The following PEAK1 variants were observed in gnomAD, a reference collection of about 807,000 sequenced individuals.
PEAK1 encodes the protein pseudopodium enriched atypical kinase 1.
In PEAK1, 54 loss-of-function variants were observed where a neutral mutation model predicts 124.7. That is an observed-to-expected ratio of 0.43 (90% confidence interval 0.35 to 0.54). PEAK1 has a LOEUF of 0.54. Among genes scored for constraint, PEAK1 ranks in the 20% least tolerant of loss-of-function variants. The probability of loss-of-function intolerance (pLI) is 0.01; values close to 1 mark genes in which losing one functional copy is unlikely to be tolerated. For synonymous variants in PEAK1, 719 were observed against 760.0 expected, an observed-to-expected ratio of 0.95 and a Z score of 0.89; for missense variants, 2,046 against 2,134.5, an observed-to-expected ratio of 0.96 and a Z score of 0.82.
chr15:77,356,063 A>C, intron 2 of PEAK1: 1 of 388,428 alleles, frequency 2.6e-6, no homozygotes, highest in Non-Finnish European at 3.5e-6. Context: ...CTGGCCCCAA[A>C]CGTGCATTAC....
chr15:77,264,600 A>G (rs1273014184), intron 5 of PEAK1, among the ~76,000 whole-genome samples: 3 of 152,180 alleles, frequency 2.0e-5, no homozygotes. Context: ...CAATGAAATA[A>G]AAGAGGATAC....
At chr15:77,205,405 G>C (rs957688934) in intron 6 of PEAK1, among the ~76,000 whole-genome samples, 1 of 152,060 alleles carries the variant, frequency 6.6e-6, no homozygotes, top group African/African-American at 2.4e-5. Flanking sequence ...TGAAGGGTTA[G>C]TTTTAGGATA....
At chr15:77,174,826 G>T (rs1328312734) in intron 7 of PEAK1, among the ~76,000 whole-genome samples, 1 of 152,114 alleles carries the variant, frequency 6.6e-6, no homozygotes, top group Non-Finnish European at 1.5e-5. Flanking sequence ...AAAGCTGGAG[G>T]CATCACGCTA....
intron 2 of PEAK1, among the ~76,000 whole-genome samples, chr15:77,300,274 G>A (rs2063719027): frequency 6.6e-6 from 1 of 152,166 alleles, no homozygotes; most frequent in South Asian, 2.1e-4. Flanking sequence ...TTTTCCCAAT[G>A]GTCTCATCTG....
chr15:77,150,007 C>T (rs1298783420), intron 8 of PEAK1, among the ~76,000 whole-genome samples: 2 of 152,110 alleles, frequency 1.3e-5, no homozygotes, highest in Non-Finnish European at 2.9e-5. Flanking sequence ...ACCTTGGCTT[C>T]CCAAAGTGCT....
intron 6 of PEAK1, among the ~76,000 whole-genome samples, chr15:77,224,864 AT>A (rs2059558070): frequency 6.6e-6 from 1 of 151,590 alleles, no homozygotes; most frequent in African/African-American, 2.4e-5. Flanking sequence ...CTCTGTGGTG[AT>A]TTTTGGTTTT....
chr15:77,225,259 G>A (rs950460855), intron 6 of PEAK1, among the ~76,000 whole-genome samples: 3 of 151,894 alleles, frequency 2.0e-5, no homozygotes, highest in Non-Finnish European at 4.4e-5. Context: ...CATTATTCCT[G>A]TTAAGAGTCT....
At chr15:77,343,136 T>C (rs2066646140) in intron 2 of PEAK1, among the ~76,000 whole-genome samples, 1 of 152,244 alleles carries the variant, frequency 6.6e-6, no homozygotes, top group African/African-American at 2.4e-5. Context: ...GTTTTCTGTT[T>C]TGTTTTCTTT....
At chr15:77,291,954 G>A (rs375827823) in intron 2 of PEAK1, among the ~76,000 whole-genome samples, 48 of 148,750 alleles carry the variant, frequency 3.2e-4, no homozygotes, top group African/African-American at 1.1e-3. Flanking sequence ...TTCAGCCTGG[G>A]CGACGGAGCA....
chr15:77,258,884 T>C (rs1355857876), intron 5 of PEAK1, among the ~76,000 whole-genome samples: 1 of 152,200 alleles, frequency 6.6e-6, no homozygotes, highest in Non-Finnish European at 1.5e-5. Context: ...GCTCTTATTA[T>C]TTTGAGATAC....
In PEAK1 at chr15:77,179,880, T is replaced by C; in HGVS notation, c.2047A>G (p.Thr683Ala). 3 of 1,614,142 alleles carry C rather than the reference T, an allele frequency of 1.9e-6. No individual in the cohort carries two copies. Among genetic ancestry groups the C allele is most frequent in the Non-Finnish European group, 1.7e-6 (2 of 1,180,002 alleles). ...AACCCTTTAGTTTGAAGACAGTCAG[T>C]GGTTTTGCTAGTGGTGTTATCAGGC... Reference protein sequence around the residue: ...KVPDNTTSKTTDCLQTKGFSN... With the variant: ...KVPDNTTSKTADCLQTKGFSN... The change falls in exon 7 of 10, where the codon ACT (threonine) becomes GCT (alanine). Residue 683 changes from threonine (T) to alanine (A), a missense_variant. Transcript: ENST00000682557.
intron 2 of PEAK1, among the ~76,000 whole-genome samples, chr15:77,316,878 G>C (rs1040576553): frequency 6.6e-6 from 1 of 152,052 alleles, no homozygotes; most frequent in Non-Finnish European, 1.5e-5. Context: ...GAGAGTTTGA[G>C]ACCTGCCTGG....
intron 2 of PEAK1, among the ~76,000 whole-genome samples, chr15:77,313,756 AT>A (rs1382515674): frequency 3.2e-5 from 4 of 125,818 alleles, no homozygotes; most frequent in African/African-American, 8.4e-5. Context: ...TTATTTATTT[AT>A]TTTTAGTAGA....
Position 77,114,668 on chromosome 15 carries a change from G to C in PEAK1, c.4729C>G (p.Leu1577Val). The change falls in exon 10 of 10, where the codon CTT becomes GTT. Residue 1577 changes from leucine to valine, a missense_variant. Leu to Val is a conservative substitution (Grantham distance 32). Transcript: ENST00000682557. Reference sequence around the variant, plus strand: ...GTAGCTGTTATGATCTCTGGGGCAAGGCGAGACTGGTCCCGGAGGATCTCG... The same window carrying C: ...GTAGCTGTTATGATCTCTGGGGCAACGCGAGACTGGTCCCGGAGGATCTCG... ...DPEILRDQSR[L>V]APEIITATQY... The C allele has an allele frequency of 6.2e-7, 1 of 1,613,838 alleles. No homozygotes were observed. The highest frequency in any genetic ancestry group is 8.5e-7 in the Non-Finnish European group (1 of 1,179,978).
In PEAK1 at chr15:77,336,436, T is replaced by C. The variant is rs571073569; in HGVS notation, c.-603+28727A>G. 26 of 985,424 alleles carry C rather than the reference T, an allele frequency of 2.6e-5. No homozygotes were observed. The African/African-American group carries it at 4.5e-4, about 17-fold the overall frequency. The allele number at this position is 985,424 out of a possible 1,614,324, so 61.0% of individuals were successfully genotyped here. On this transcript the variant is annotated intron_variant, in intron 2 of 9. Transcript: ENST00000682557. ...TCTGAGTGAGGGGTTAATGGTAACC[T>C]ACTTTGGTTTTATATTATTCACACA...
intron 2 of PEAK1, chr15:77,350,978 A>G (rs552919672): frequency 4.3e-5 from 42 of 974,600 alleles, no homozygotes; most frequent in East Asian, 1.1e-4. Context: ...ATACACATCT[A>G]TTAAGCACTA....
chr15:77,231,411 A>G (rs78134038), intron 6 of PEAK1, among the ~76,000 whole-genome samples: 1 of 152,280 alleles, frequency 6.6e-6, no homozygotes, highest in African/African-American at 2.4e-5. Flanking sequence ...GACAGGTGCA[A>G]ATTGAATTTA....
intron 2 of PEAK1, among the ~76,000 whole-genome samples, chr15:77,318,819 G>A (rs541043292): frequency 6.6e-6 from 1 of 151,924 alleles, no homozygotes; most frequent in Non-Finnish European, 1.5e-5. Context: ...GCTAATAGAT[G>A]ACACCCCTCC....
Position 77,133,228 on chromosome 15 carries a change from T to C in PEAK1, c.3854A>G (p.Glu1285Gly). ...AAGGCTTCGGATTTTACCCACTACTTCCTCCCGATTCTCAAGTCCTCGATA... is the reference window on the plus strand; with the variant it reads ...AAGGCTTCGGATTTTACCCACTACTCCCTCCCGATTCTCAAGTCCTCGATA... ...ALYRGLENRE[E>G]VVGKIRSLHT... Residue 1285 changes from glutamate to glycine, a missense_variant, in exon 9 of 10, where the codon GAA becomes GGA. By Grantham distance (98) the Glu-to-Gly change is moderately conservative. Transcript: ENST00000682557. The surrounding 1 kb of genome is among the most constrained non-coding windows in gnomAD (Gnocchi z 4.2). 1 of 1,614,142 alleles carries C rather than the reference T, an allele frequency of 6.2e-7. No homozygotes were observed.
Sources: allele counts gnomAD v4.1 joint callset (sites outside exome capture counted in the v4.1 genomes callset), GRCh38; gene constraint gnomAD v4.1.1; non-coding constraint Gnocchi (gnomAD v3.1); transcripts MANE v1.5; gene names NCBI Gene and HGNC (gene_info 2026-07-23, HGNC 2026-07-21).